The following DISC1 variants were observed in gnomAD, a reference collection of about 807,000 sequenced individuals.
DISC1 encodes the protein DISC1 scaffold protein.
In DISC1, 57 loss-of-function variants were observed where a neutral mutation model predicts 84.5. The ratio of observed to expected loss-of-function variants is 0.67; its 90% CI spans 0.55 to 0.84. DISC1 has a LOEUF of 0.84. DISC1 is among the 40% of genes least tolerant of loss of function. DISC1 has a pLI of 0.00. For synonymous variants in DISC1, 411 were observed against 415.2 expected, an observed-to-expected ratio of 0.99 and a Z score of 0.12; for missense variants, 1,000 against 1,057.8, an observed-to-expected ratio of 0.95 and a Z score of 0.76.
chr1:231,912,749 CTTT>C (rs2089316795), intron 9 of DISC1, among the ~76,000 whole-genome samples: 1 of 19,512 alleles, frequency 5.1e-5, no homozygotes, highest in Admixed American at 3.6e-4. Flanking sequence ...GCTCTTCTTT[CTTT>C]CTTTCTTTCT....
At chr1:231,992,481 G>A (rs1665350238) in intron 10 of DISC1, among the ~76,000 whole-genome samples, 3 of 152,132 alleles carry the variant, frequency 2.0e-5, no homozygotes, top group Non-Finnish European at 1.5e-5. Context: ...TTCATTTATG[G>A]CACGTTTGCC....
intron 9 of DISC1, among the ~76,000 whole-genome samples, chr1:231,945,397 A>G (rs900279073): frequency 3.3e-5 from 5 of 152,226 alleles, no homozygotes; most frequent in African/African-American, 1.2e-4. Context: ...AGAAATAAAG[A>G]TGTTCTTTGA....
At chr1:231,958,302 GC>G (rs1406984656) in intron 9 of DISC1, among the ~76,000 whole-genome samples, 1 of 152,238 alleles carries the variant, frequency 6.6e-6, no homozygotes, top group African/African-American at 2.4e-5. Context: ...TCAAAGAGTA[GC>G]TGATCTCATC....
intron 1 of DISC1, among the ~76,000 whole-genome samples, chr1:231,635,709 A>G (rs1435052963): frequency 6.6e-6 from 1 of 152,228 alleles, no homozygotes; most frequent in Non-Finnish European, 1.5e-5. Context: ...TTTGAAACCA[A>G]TCAGGAGTTT....
chr1:231,867,081 C>A (rs1167842093), intron 9 of DISC1, among the ~76,000 whole-genome samples: 1 of 152,184 alleles, frequency 6.6e-6, no homozygotes, highest in Non-Finnish European at 1.5e-5. Flanking sequence ...TGGCGTCAAA[C>A]CTCTGCTTCA....
intron 4 of DISC1, among the ~76,000 whole-genome samples, chr1:231,762,793 G>T (rs535854810): frequency 6.6e-6 from 1 of 152,230 alleles, no homozygotes; most frequent in Admixed American, 6.5e-5. Flanking sequence ...CAGCCCCAGT[G>T]TGAGGGTGGG....
At chr1:231,734,756 G>A (rs928967341) in intron 3 of DISC1, among the ~76,000 whole-genome samples, 2 of 152,216 alleles carry the variant, frequency 1.3e-5, no homozygotes, top group Non-Finnish European at 2.9e-5. Context: ...AGATATCACA[G>A]TTAAATTATT....
chr1:231,870,628 C>T (rs1451800654), intron 9 of DISC1, among the ~76,000 whole-genome samples: 1 of 152,132 alleles, frequency 6.6e-6, no homozygotes, highest in Non-Finnish European at 1.5e-5. Context: ...CGAACTGTGG[C>T]ATGTTTGGGG....
intron 10 of DISC1, among the ~76,000 whole-genome samples, chr1:231,980,872 T>C (rs2102868139): frequency 6.6e-6 from 1 of 152,234 alleles, no homozygotes; most frequent in South Asian, 2.1e-4. Context: ...AAAGAAAGCC[T>C]TTTACTCAAC....
chr1:231,634,366 G>A (rs913810393), intron 1 of DISC1, among the ~76,000 whole-genome samples: 1 of 152,102 alleles, frequency 6.6e-6, no homozygotes, highest in Non-Finnish European at 1.5e-5. Flanking sequence ...GAGATAAAAC[G>A]GGGTTCTAAT....
intron 4 of DISC1, among the ~76,000 whole-genome samples, chr1:231,758,930 T>G (rs375651611): frequency 1.3e-5 from 2 of 152,198 alleles, no homozygotes; most frequent in African/African-American, 4.8e-5. Flanking sequence ...TTTGTATGCA[T>G]GCGCACACAA....
At chr1:231,642,417 G>A (rs943236107) in intron 1 of DISC1, among the ~76,000 whole-genome samples, 2 of 152,232 alleles carry the variant, frequency 1.3e-5, no homozygotes, top group African/African-American at 4.8e-5. Context: ...AGGCAGAGGA[G>A]GTGCCGAGAG....
At chr1:231,819,873 G>C (rs886912103) in intron 9 of DISC1, among the ~76,000 whole-genome samples, 1 of 152,086 alleles carries the variant, frequency 6.6e-6, no homozygotes, top group Non-Finnish European at 1.5e-5. Flanking sequence ...GAACAAATTT[G>C]AGCAAATTTA....
intron 6 of DISC1, among the ~76,000 whole-genome samples, chr1:231,778,642 C>T (rs1573742839): frequency 1.3e-5 from 2 of 151,998 alleles, no homozygotes. Context: ...TTACAGGCAA[C>T]GTGGAAAAGT....
intron 10 of DISC1, among the ~76,000 whole-genome samples, chr1:232,004,896 C>G (rs1399082391): frequency 8.8e-6 from 1 of 114,220 alleles, no homozygotes; most frequent in East Asian, 3.1e-4. Context: ...TTCCTTCCTT[C>G]CTTCCTTCTT....
At chr1:231,753,635 C>T (rs2074841585) in intron 4 of DISC1, among the ~76,000 whole-genome samples, 1 of 152,204 alleles carries the variant, frequency 6.6e-6, no homozygotes, top group Admixed American at 6.5e-5. Flanking sequence ...CTCCTTTTTA[C>T]TTATGCAAAT....
chr1:231,831,513 G>C (rs56176872), intron 9 of DISC1, among the ~76,000 whole-genome samples: 5 of 151,518 alleles, frequency 3.3e-5, no homozygotes, highest in Admixed American at 2.0e-4. Flanking sequence ...AAAACTGGCC[G>C]TGAGGGACAG....
At chr1:231,921,286 T>C (rs1265060818) in intron 9 of DISC1, among the ~76,000 whole-genome samples, 2 of 152,148 alleles carry the variant, frequency 1.3e-5, no homozygotes, top group Non-Finnish European at 2.9e-5. Flanking sequence ...CCCATGCAAC[T>C]TACATATGAC....
chr1:231,700,833 A>C (rs1434667988), intron 2 of DISC1, among the ~76,000 whole-genome samples: 1 of 152,218 alleles, frequency 6.6e-6, no homozygotes, highest in Non-Finnish European at 1.5e-5. Flanking sequence ...GACATTTAAC[A>C]CAGACTGGAG....
Sources: allele counts gnomAD v4.1 joint callset (sites outside exome capture counted in the v4.1 genomes callset), GRCh38; gene constraint gnomAD v4.1.1; transcripts MANE v1.5; gene names NCBI Gene and HGNC (gene_info 2026-07-23, HGNC 2026-07-21).